KIF3C: variants seen among roughly 807,000 people sequenced by gnomAD.
KIF3C encodes the protein kinesin-like protein KIF3C.
In KIF3C, 12 loss-of-function variants were observed where a neutral mutation model predicts 67.7. The ratio of observed to expected loss-of-function variants is 0.18; its 90% CI spans 0.11 to 0.29. The LOEUF (loss-of-function observed/expected upper bound fraction) is 0.29. KIF3C is among the 10% of genes least tolerant of loss of function. The probability of loss-of-function intolerance (pLI) is 1.00; values close to 1 mark genes in which losing one functional copy is unlikely to be tolerated. For synonymous variants in KIF3C, 393 were observed against 426.2 expected (o/e 0.92, Z 0.96); for missense variants, 789 against 1,059.6 (o/e 0.74, Z 3.55).
chr2:25,963,953 A>G (rs901577770), intron 1 of KIF3C, among the ~76,000 whole-genome samples: 9 of 152,060 alleles, frequency 5.9e-5, no homozygotes, highest in African/African-American at 2.2e-4. Flanking sequence ...AGCATCCCAA[A>G]GTGCTGGGAT....
chr2:25,945,961 A>G (rs181068886), intron 5 of KIF3C, among the ~76,000 whole-genome samples: 9 of 151,810 alleles, frequency 5.9e-5, no homozygotes, highest in African/African-American at 2.2e-4. Context: ...AAATACAAAC[A>G]AATTAGCCGG....
intron 1 of KIF3C, among the ~76,000 whole-genome samples, chr2:25,975,925 T>A (rs988828926): frequency 6.6e-6 from 1 of 151,774 alleles, no homozygotes; most frequent in Non-Finnish European, 1.5e-5. Flanking sequence ...GCCACTGCAC[T>A]CCAGCCTGGG....
At chr2:25,938,942 C>T (rs1415452171) in intron 5 of KIF3C, among the ~76,000 whole-genome samples, 1 of 152,052 alleles carries the variant, frequency 6.6e-6, no homozygotes, top group African/African-American at 2.4e-5. Context: ...TGACATCATT[C>T]TCTTTCCTGG....
chr2:25,934,054 T>C (rs149661600), intron 5 of KIF3C: 3 of 458,656 alleles, frequency 6.5e-6, no homozygotes, highest in East Asian at 7.1e-5. Context: ...AATGAAGTAC[T>C]GATGAGTGTT....
chr2:25,970,463 T>C (rs1664249842), intron 1 of KIF3C, among the ~76,000 whole-genome samples: 1 of 150,150 alleles, frequency 6.7e-6, no homozygotes, highest in Non-Finnish European at 1.5e-5. Context: ...AGATCAGGAG[T>C]TCGGCGCCAG....
intron 1 of KIF3C, among the ~76,000 whole-genome samples, chr2:25,979,004 A>C (rs1384291558): frequency 6.6e-6 from 1 of 152,108 alleles, no homozygotes; most frequent in African/African-American, 2.4e-5. Context: ...GCAGCAGCAC[A>C]TTCCCAAAAC....
chr2:25,934,076 G>T, intron 5 of KIF3C: 1 of 466,776 alleles, frequency 2.1e-6, no homozygotes, highest in East Asian at 7.0e-5. Flanking sequence ...CAACATGGAC[G>T]AACCTTGAAA....
In KIF3C at chr2:25,980,814, C is replaced by G. The variant is rs745991847; in HGVS notation, c.1104G>C (p.Lys368Asn). ...CCTTGGGGTCCTCGTTCACCCGGGG[C>G]TTGTTCTTGATGTTCTTGGCTCGGT... Reference protein sequence around the residue: ...FANRAKNIKNKPRVNEDPKDT... With the variant: ...FANRAKNIKNNPRVNEDPKDT... The change falls in exon 1 of 8, where the codon AAG (lysine) becomes AAC (asparagine). Residue 368 changes from lysine (K) to asparagine (N), a missense_variant. This residue lies in a region of KIF3C where 648 missense variants were observed against 807.8 expected (regional missense o/e 0.80). Transcript: ENST00000264712. The surrounding 1 kb of genome is among the most constrained non-coding windows in gnomAD (Gnocchi z 7.6). 1.2e-5 allele frequency: 19 copies of G among 1,614,216 alleles called. No homozygotes were observed. The South Asian group carries it at 2.1e-4, about 18-fold the overall frequency.
chr2:25,931,914 G>A (rs1379401555), intron 5 of KIF3C, among the ~76,000 whole-genome samples: 1 of 139,466 alleles, frequency 7.2e-6, no homozygotes, highest in Non-Finnish European at 1.5e-5. Context: ...GATTACAGAC[G>A]TGAATCACTG....
intron 1 of KIF3C, among the ~76,000 whole-genome samples, chr2:25,967,820 T>C (rs920894371): frequency 2.6e-5 from 4 of 152,144 alleles, no homozygotes; most frequent in Admixed American, 2.6e-4. Context: ...AGTGAGACCC[T>C]GTCTCAAAAA....
rs894612741 is a variant in KIF3C, at chr2:25,958,849, C to T, written c.1546-2405G>A. On this transcript the variant is annotated intron_variant, in intron 1 of 7. Transcript: ENST00000264712. The surrounding 1 kb of genome is among the most constrained non-coding windows in gnomAD (Gnocchi z 4.5). ...CGGCACTTTGGGAGGCCAAGGCAGG[C>T]GGATCACCTGAGGTTGGGAGTTCGA... 9.2e-5 allele frequency among the ~76,000 whole-genome samples: 14 copies of T among 152,086 alleles called. No homozygotes were observed. Among genetic ancestry groups the T allele is most frequent in the African/African-American group, 3.1e-4 (13 of 41,422 alleles).
chr2:25,959,183 G>A (rs549606854), intron 1 of KIF3C, among the ~76,000 whole-genome samples: 3 of 152,276 alleles, frequency 2.0e-5, no homozygotes, highest in African/African-American at 7.2e-5. Flanking sequence ...CACTTTTTCT[G>A]CAAGACACAC....
At chr2:25,959,836 G>A (rs1663901431) in intron 1 of KIF3C, among the ~76,000 whole-genome samples, 1 of 152,090 alleles carries the variant, frequency 6.6e-6, no homozygotes, top group Admixed American at 6.6e-5. Context: ...CAGGAGGGGT[G>A]GGGTGGGTGT....
At chr2:25,968,186 T>C (rs1418536206) in intron 1 of KIF3C, among the ~76,000 whole-genome samples, 1 of 152,196 alleles carries the variant, frequency 6.6e-6, no homozygotes, top group Non-Finnish European at 1.5e-5. Context: ...AATGCTATTT[T>C]CAATGATATC....
rs1040832462 is a variant in KIF3C, at chr2:25,981,233, G to A, written c.685C>T (p.Arg229Cys). 2.1e-5 allele frequency: 34 copies of A among 1,614,030 alleles called. No individual in the cohort carries two copies. The highest frequency in any genetic ancestry group is 2.7e-5 in the Non-Finnish European group (32 of 1,180,042). The change falls in exon 1 of 8, where the codon CGT becomes TGT. Residue 229 changes from arginine to cysteine, a missense_variant. Physicochemically the swap from Arg to Cys is radical, Grantham distance 180. Around this residue, in one of 2 missense-constraint regions of KIF3C, gnomAD observed 648 missense variants for 807.8 expected, o/e 0.80. Transcript: ENST00000264712. The surrounding 1 kb of genome is among the most constrained non-coding windows in gnomAD (Gnocchi z 8.2). ...ATGTGGTCCTGGCCATCAGAGCCAC[G>A]TTCGCTGCACTCCACAGTGATGATG... ...IFIITVECSE[R>C]GSDGQDHIRV...
intron 5 of KIF3C, among the ~76,000 whole-genome samples, chr2:25,931,063 C>T (rs899865386): frequency 1.3e-5 from 2 of 151,930 alleles, no homozygotes; most frequent in East Asian, 3.8e-4. Flanking sequence ...TGCTATGTAC[C>T]CACAACAATT....
In KIF3C at chr2:25,951,824, C is replaced by T. The variant is rs1287558358; in HGVS notation, c.1971G>A (p.Glu657=). The part of the protein sequence containing the change: ...MNRLFLDCEE[E]QWKFQPLVPA... ...GCACCAGTGGCTGGAACTTCCACTGCTCCTCCTCACAGTCCAGGAAAAGCC... is the reference window on the plus strand; with the variant it reads ...GCACCAGTGGCTGGAACTTCCACTGTTCCTCCTCACAGTCCAGGAAAAGCC... The change falls in exon 5 of 8, where the codon GAG becomes GAA. Residue 657 remains glutamate (E), a synonymous_variant. Transcript: ENST00000264712. 1.2e-6 allele frequency: 2 copies of T among 1,613,816 alleles called. No homozygotes were observed. Among genetic ancestry groups the T allele is most frequent in the African/African-American group, 1.3e-5 (1 of 74,938 alleles).
intron 5 of KIF3C, among the ~76,000 whole-genome samples, chr2:25,934,826 G>A (rs958401893): frequency 2.6e-5 from 4 of 152,100 alleles, no homozygotes; most frequent in African/African-American, 9.7e-5. Context: ...TTGGGAGGCC[G>A]AGGTGGGAGG....
Position 25,927,041 on chromosome 2 carries a change from CACACACAT to C in KIF3C, c.*1929_*1936del, listed in dbSNP as rs1351069880. 1.3e-5 allele frequency: 2 copies of C among 152,652 alleles called. No homozygotes were observed. Among genetic ancestry groups the C allele is most frequent in the South Asian group, 2.1e-4 (1 of 4,832 alleles). 9.5% of individuals were successfully genotyped at this position (152,652 alleles called of 1,614,324 possible). A position where few individuals can be genotyped will look rare whatever the true frequency, so the allele number is the denominator to read the frequency against. The stretch of plus-strand genomic sequence containing the variant: ...GGAGGTAAACACGCACACAAACACG[CACACACAT>C]ACACACATACACAAAACCGCAGGCA... On this transcript the variant is annotated 3_prime_UTR_variant, in exon 8 of 8. Transcript: ENST00000264712.
Sources: allele counts gnomAD v4.1 joint callset (sites outside exome capture counted in the v4.1 genomes callset), GRCh38; gene constraint gnomAD v4.1.1; regional missense constraint gnomAD v4.1.1; non-coding constraint Gnocchi (gnomAD v3.1); transcripts MANE v1.5; gene names NCBI Gene and HGNC (gene_info 2026-07-23, HGNC 2026-07-21).